The following PPFIA2 variants were observed in gnomAD, a reference collection of about 807,000 sequenced individuals.
The protein encoded by PPFIA2 is PPFI scaffold protein A2, also known as liprin-alpha-2.
In PPFIA2, 46 loss-of-function variants were observed where a neutral mutation model predicts 175.5. That is an observed-to-expected ratio of 0.26 (90% CI 0.21 to 0.34). The LOEUF is 0.34. Ranked by LOEUF, PPFIA2 falls within the 10% of genes least tolerant of loss-of-function variation. The pLI is 1.00. For synonymous variants in PPFIA2, 568 were observed against 511.4 expected (o/e 1.11, Z -1.49); for missense variants, 1,179 against 1,506.1 (o/e 0.78, Z 3.60).
intron 28 of PPFIA2, 125 bp downstream of exon 28, chr12:81,277,192 C>A (rs2040744030): frequency 5.4e-6 from 4 of 738,206 alleles, no homozygotes; most frequent in Non-Finnish European, 5.8e-6. Context: ...AAAACAGTAA[C>A]AATTCTAGCC....
At chr12:81,377,589 A>G (rs958457119) in intron 9 of PPFIA2, among the ~76,000 whole-genome samples, 1 of 151,712 alleles carries the variant, frequency 6.6e-6, no homozygotes, top group Non-Finnish European at 1.5e-5. Flanking sequence ...TAGATCCACC[A>G]TGAAACTCAT....
chr12:81,619,942 G>A (rs1015060284), intron 4 of PPFIA2, among the ~76,000 whole-genome samples: 3 of 151,994 alleles, frequency 2.0e-5, no homozygotes, highest in African/African-American at 7.2e-5. Context: ...GGCGGATCAC[G>A]AGGTCAGGAG....
At chr12:81,461,195 T>C (rs568111904) in intron 4 of PPFIA2, among the ~76,000 whole-genome samples, 2 of 152,222 alleles carry the variant, frequency 1.3e-5, no homozygotes, top group South Asian at 2.1e-4. Flanking sequence ...GGCACTTTGT[T>C]TTGCCATGCC....
chr12:81,586,050 T>C lies in PPFIA2; in HGVS notation c.303+90741A>G, dbSNP rs139118981. Among the ~76,000 whole-genome samples, 260 of 152,104 alleles carry C rather than the reference T, an allele frequency of 1.7e-3. 7 individuals carry two copies. The highest frequency in any genetic ancestry group is 0.015 in the Admixed American group (233 of 15,222). On this transcript the variant is annotated intron_variant, in intron 4 of 32. Transcript: ENST00000549396. ...AATCTTATAGGACCACCATTATATA[T>C]GCACTTTGTCATTGACCACAATGTC...
intron 4 of PPFIA2, among the ~76,000 whole-genome samples, chr12:81,473,629 C>T (rs2057077166): frequency 6.6e-6 from 1 of 152,136 alleles, no homozygotes; most frequent in Non-Finnish European, 1.5e-5. Context: ...TAGGCAGCAA[C>T]TACTTAATAA....
chr12:81,513,579 C>T (rs1448251806), intron 4 of PPFIA2, among the ~76,000 whole-genome samples: 4 of 151,950 alleles, frequency 2.6e-5, no homozygotes, highest in Non-Finnish European at 5.9e-5. Flanking sequence ...AGATAGTACA[C>T]AGAGTTCACA....
At chr12:81,588,801 C>A (rs1207300544) in intron 4 of PPFIA2, among the ~76,000 whole-genome samples, 1 of 152,042 alleles carries the variant, frequency 6.6e-6, no homozygotes, top group Non-Finnish European at 1.5e-5. Flanking sequence ...ACTGAAACCA[C>A]TGTTTCAGTA....
At chr12:81,362,385 G>C (rs1198414939) in intron 15 of PPFIA2, among the ~76,000 whole-genome samples, 1 of 151,068 alleles carries the variant, frequency 6.6e-6, no homozygotes. Flanking sequence ...TCTTGAATGA[G>C]ATGCAATCTC....
At chr12:81,412,208 G>T (rs765430564) in intron 7 of PPFIA2, among the ~76,000 whole-genome samples, 3 of 151,260 alleles carry the variant, frequency 2.0e-5, no homozygotes, top group Admixed American at 6.6e-5. Flanking sequence ...TTTCTTGAGG[G>T]TTTAATAAAT....
intron 9 of PPFIA2, among the ~76,000 whole-genome samples, chr12:81,376,658 A>T (rs1166314263): frequency 6.6e-6 from 1 of 152,180 alleles, no homozygotes; most frequent in Non-Finnish European, 1.5e-5. Context: ...TTTACCTCAC[A>T]GCTTACATGG....
At chr12:81,378,195 C>T (rs2036830127) in intron 9 of PPFIA2, 1 of 151,888 alleles carries the variant, frequency 6.6e-6, no homozygotes, top group Non-Finnish European at 1.5e-5. Flanking sequence ...AGACTTAAAG[C>T]CTCCAAAACA....
chr12:81,681,422 A>G (rs1173439675), intron 3 of PPFIA2, among the ~76,000 whole-genome samples: 2 of 151,974 alleles, frequency 1.3e-5, no homozygotes, highest in African/African-American at 2.4e-5. Flanking sequence ...GTGAATCAGA[A>G]GTCTTAAAGC....
chr12:81,499,811 C>T (rs1258423253), intron 4 of PPFIA2, among the ~76,000 whole-genome samples: 2 of 151,526 alleles, frequency 1.3e-5, no homozygotes, highest in Non-Finnish European at 2.9e-5. Context: ...CTTGTCAGTG[C>T]TTCCTAAAAA....
chr12:81,693,633 A>C (rs1488854324), intron 3 of PPFIA2, among the ~76,000 whole-genome samples: 5 of 152,186 alleles, frequency 3.3e-5, no homozygotes, highest in Non-Finnish European at 7.3e-5. Context: ...GGGCACTGCT[A>C]TAAAAATACC....
At chr12:81,595,378 G>A (rs916483238) in intron 4 of PPFIA2, among the ~76,000 whole-genome samples, 1 of 150,448 alleles carries the variant, frequency 6.6e-6, no homozygotes, top group Non-Finnish European at 1.5e-5. Flanking sequence ...TCCTCTAGTA[G>A]CTCTTAATTT....
Position 81,393,573 on chromosome 12 carries a change from C to A in PPFIA2, c.763-9329G>T, listed in dbSNP as rs149866668. ...GGAGGAGGAAGATATTTGACATAAACCAGGAAACTTCAGGAAGGAGAGGAA... is the reference window on the plus strand; with the variant it reads ...GGAGGAGGAAGATATTTGACATAAAACAGGAAACTTCAGGAAGGAGAGGAA... On this transcript the variant is annotated intron_variant, in intron 8 of 32. Transcript: ENST00000549396. Among the ~76,000 whole-genome samples the A allele has an allele frequency of 1.3e-3, 205 of 152,068 alleles. 1 individual carries two copies. Among genetic ancestry groups the A allele is most frequent in the African/African-American group, 4.7e-3 (197 of 41,500 alleles).
chr12:81,694,601 G>C (rs1400095942), intron 3 of PPFIA2, among the ~76,000 whole-genome samples: 1 of 152,198 alleles, frequency 6.6e-6, no homozygotes, highest in Non-Finnish European at 1.5e-5. Flanking sequence ...TGCTGCAGGG[G>C]CAGAGTCCCC....
At chr12:81,436,278 CTAAAAAAAAAAAAAAAAAAAAAAAAAAAA>C (rs1566821389) in intron 7 of PPFIA2, among the ~76,000 whole-genome samples, 1 of 51,510 alleles carries the variant, frequency 1.9e-5, no homozygotes, top group African/African-American at 8.5e-5. Flanking sequence ...GAGACCCTGT[CTAAAAAAAAAAAAAAAAAAAAAAAAAAAA>C]AAAAAAAAAA....
intron 24 of PPFIA2, among the ~76,000 whole-genome samples, chr12:81,286,041 T>A (rs189200417): frequency 6.6e-6 from 1 of 152,104 alleles, no homozygotes; most frequent in East Asian, 1.9e-4. Flanking sequence ...AGGCCTATAG[T>A]GATTTTTGTG....
Sources: allele counts gnomAD v4.1 joint callset (sites outside exome capture counted in the v4.1 genomes callset), GRCh38; gene constraint gnomAD v4.1.1; transcripts MANE v1.5; gene names NCBI Gene and HGNC (gene_info 2026-07-23, HGNC 2026-07-21).